Variants in HUNK observed in about 807,000 individuals in gnomAD.
HUNK encodes the protein hormonally up-regulated Neu-associated kinase, also known as hormonally up-regulated neu tumor-associated kinase.
A neutral mutation model predicts 61.0 loss-of-function variants in HUNK; 21 were observed. The ratio of observed to expected loss-of-function variants is 0.34; its 90% confidence interval spans 0.24 to 0.50. The LOEUF (loss-of-function observed/expected upper bound fraction) is 0.50, where lower values mean the gene tolerates loss of function less well. HUNK is among the 20% of genes least tolerant of loss of function. The pLI, the probability that HUNK is intolerant of heterozygous loss-of-function variation, is 0.98. For synonymous variants in HUNK, 371 were observed against 386.1 expected (o/e 0.96, Z 0.46); for missense variants, 772 against 945.7 (o/e 0.82, Z 2.41).
At chr21:31,884,722 G>A (rs1377908534) in intron 1 of HUNK, among the ~76,000 whole-genome samples, 2 of 152,262 alleles carry the variant, frequency 1.3e-5, no homozygotes, top group African/African-American at 2.4e-5. Flanking sequence ...GGATCTGCAG[G>A]TGTGTTAGGC....
At chr21:31,931,924 A>G (rs866158782) in intron 2 of HUNK, among the ~76,000 whole-genome samples, 6 of 133,478 alleles carry the variant, frequency 4.5e-5, no homozygotes, top group South Asian at 4.7e-4. Flanking sequence ...GCACGCGCGC[A>G]CACACACACA....
At chr21:31,888,597 G>GTGCA in intron 1 of HUNK, among the ~76,000 whole-genome samples, 1 of 152,164 alleles carries the variant, frequency 6.6e-6, no homozygotes, top group East Asian at 1.9e-4. Flanking sequence ...TTAGCCAGGC[G>GTGCA]TGCATGGTGG....
chr21:31,967,203 T>G (rs2052973219), intron 5 of HUNK, among the ~76,000 whole-genome samples: 1 of 151,844 alleles, frequency 6.6e-6, no homozygotes, highest in African/African-American at 2.4e-5. Context: ...ATAAAAAAAG[T>G]ATCCAGGTGT....
intron 8 of HUNK, among the ~76,000 whole-genome samples, chr21:31,987,652 C>G (rs1450654313): frequency 6.6e-6 from 1 of 152,216 alleles, no homozygotes; most frequent in Non-Finnish European, 1.5e-5. Flanking sequence ...AATGGGCAAA[C>G]AGCATTCAAT....
intron 7 of HUNK, 139 bp downstream of exon 7, chr21:31,974,856 G>T: frequency 1.2e-6 from 1 of 804,508 alleles, no homozygotes; most frequent in Admixed American, 3.3e-5. Context: ...CTGAATGTGG[G>T]ATAAAGTCGT....
At chr21:31,902,869 T>C (rs2052478344) in intron 1 of HUNK, among the ~76,000 whole-genome samples, 1 of 152,224 alleles carries the variant, frequency 6.6e-6, no homozygotes, top group Non-Finnish European at 1.5e-5. Context: ...CCGCCCTGTG[T>C]GCTGCTTAAT....
chr21:31,893,642 C>A (rs748452417), intron 1 of HUNK, among the ~76,000 whole-genome samples: 2 of 152,046 alleles, frequency 1.3e-5, no homozygotes, highest in East Asian at 3.9e-4. Context: ...TGCCACTGAG[C>A]GTCCTTTAAC....
intron 7 of HUNK, among the ~76,000 whole-genome samples, chr21:31,980,291 C>T (rs917028277): frequency 6.6e-6 from 1 of 151,524 alleles, no homozygotes; most frequent in African/African-American, 2.4e-5. Context: ...AGGCTGGTCT[C>T]AAACTCCTGA....
chr21:31,905,918 G>A (rs1040572757), intron 1 of HUNK, among the ~76,000 whole-genome samples: 20 of 152,166 alleles, frequency 1.3e-4, no homozygotes, highest in African/African-American at 4.8e-4. Context: ...GGTCACTAGC[G>A]GGCCTGGGGC....
intron 4 of HUNK, among the ~76,000 whole-genome samples, chr21:31,950,347 T>A (rs2052840880): frequency 6.6e-6 from 1 of 152,078 alleles, no homozygotes; most frequent in Admixed American, 6.5e-5. Flanking sequence ...AAAAACCAGA[T>A]TCTTTTGTTA....
At chr21:31,986,487 G>A (rs1017220007) in intron 8 of HUNK, among the ~76,000 whole-genome samples, 10 of 151,996 alleles carry the variant, frequency 6.6e-5, no homozygotes, top group African/African-American at 1.2e-4. Context: ...CTGCCTGGCC[G>A]TCAGAGCGAG....
At chr21:31,967,676 C>A (rs74577328) in intron 5 of HUNK, among the ~76,000 whole-genome samples, 12,927 of 152,088 alleles carry the variant, frequency 0.085, 659 homozygotes, top group Middle Eastern at 0.21. Flanking sequence ...AGGAAAGGAT[C>A]AGAAAGCAGG....
intron 5 of HUNK, among the ~76,000 whole-genome samples, chr21:31,965,953 T>C (rs1002665384): frequency 2.6e-5 from 4 of 152,138 alleles, no homozygotes; most frequent in African/African-American, 9.7e-5. Flanking sequence ...AGGTGGTGTT[T>C]GGTTACATGG....
intron 1 of HUNK, among the ~76,000 whole-genome samples, chr21:31,911,711 G>A (rs1014814998): frequency 6.6e-6 from 1 of 152,034 alleles, no homozygotes; most frequent in Admixed American, 6.5e-5. Flanking sequence ...GGACCACCCA[G>A]AATTAGACAT....
chr21:31,913,581 C>T (rs375710624), intron 1 of HUNK, among the ~76,000 whole-genome samples: 10 of 151,426 alleles, frequency 6.6e-5, no homozygotes, highest in Admixed American at 3.3e-4. Context: ...GAGTTGGGGC[C>T]GGGGGAGGTG....
At chr21:31,875,618 T>C (rs558178865) in intron 1 of HUNK, among the ~76,000 whole-genome samples, 3 of 152,332 alleles carry the variant, frequency 2.0e-5, no homozygotes, top group Non-Finnish European at 4.4e-5. Context: ...TGCGGGTCCG[T>C]TCAGGGCGCG....
In HUNK at chr21:31,990,165, C is replaced by T; in HGVS notation, c.1294C>T (p.His432Tyr). The change falls in exon 9 of 11, where the codon CAT (histidine) becomes TAT (tyrosine). Residue 432 changes from histidine (H) to tyrosine (Y), a missense_variant. Coordinates refer to ENST00000270112, the MANE Select transcript of HUNK (RefSeq NM_014586.2). ...LDTWTRDLEF[H>Y]AVQDKKPKEQ... ...CACCTGGACACGAGATCTTGAATTCCATGCCGTGCAGGTAAGAACTTGGGG... is the reference window on the plus strand; with the variant it reads ...CACCTGGACACGAGATCTTGAATTCTATGCCGTGCAGGTAAGAACTTGGGG... 1 of 1,613,800 alleles carries T rather than the reference C, an allele frequency of 6.2e-7. No homozygotes were observed. The highest frequency in any genetic ancestry group is 8.5e-7 in the Non-Finnish European group (1 of 1,179,790).
intron 9 of HUNK, 124 bp downstream of exon 9, chr21:31,990,300 T>A: frequency 1.1e-6 from 1 of 919,526 alleles, no homozygotes. Context: ...CACAGTTTTG[T>A]GGGGGTTGGC....
chr21:31,936,555 C>G (rs933257900), intron 2 of HUNK, among the ~76,000 whole-genome samples: 1 of 152,146 alleles, frequency 6.6e-6, no homozygotes, highest in Non-Finnish European at 1.5e-5. Context: ...CCCAGGTTAA[C>G]CAGGTTTATT....
Sources: allele counts gnomAD v4.1 joint callset (sites outside exome capture counted in the v4.1 genomes callset), GRCh38; gene constraint gnomAD v4.1.1; transcripts MANE v1.5; gene names NCBI Gene and HGNC (gene_info 2026-07-23, HGNC 2026-07-21).